NYAP2: variants seen among roughly 807,000 people sequenced by gnomAD.
NYAP2 encodes neuronal tyrosine-phosphorylated phosphoinositide-3-kinase adaptor 2.
In NYAP2, 23 loss-of-function variants were observed where a neutral mutation model predicts 50.4. The observed-to-expected ratio is 0.46, with a 90% confidence interval of 0.33 to 0.65. NYAP2 has a LOEUF of 0.65. NYAP2 is among the 30% of genes least tolerant of loss of function. The probability of loss-of-function intolerance (pLI) is 0.02; values close to 1 mark genes in which losing one functional copy is unlikely to be tolerated. For synonymous variants in NYAP2, 394 were observed against 365.2 expected (o/e 1.08, Z -0.90); for missense variants, 885 against 861.0 (o/e 1.03, Z -0.35).
At chr2:225,412,598 A>G (rs1377255041) in intron 3 of NYAP2, among the ~76,000 whole-genome samples, 2 of 152,082 alleles carry the variant, frequency 1.3e-5, no homozygotes, top group African/African-American at 4.8e-5. Context: ...CAGGAGCCAA[A>G]TTATGGAGGT....
chr2:225,680,727 C>T, the NYAP2 span, among the ~76,000 whole-genome samples: 7 of 152,204 alleles, frequency 4.6e-5, no homozygotes, highest in East Asian at 7.7e-4. Flanking sequence ...AAATTGATTA[C>T]TGGCTGTCAA....
At chr2:225,688,696 T>C in the NYAP2 span, among the ~76,000 whole-genome samples, 1 of 152,220 alleles carries the variant, frequency 6.6e-6, no homozygotes, top group Admixed American at 6.5e-5. Flanking sequence ...TCTTATCCAT[T>C]TTATTCATCT....
intron 4 of NYAP2, among the ~76,000 whole-genome samples, chr2:225,571,329 G>A (rs886640006): frequency 6.6e-6 from 1 of 152,226 alleles, no homozygotes; most frequent in Non-Finnish European, 1.5e-5. Context: ...TCTGTATGGG[G>A]GCTCCCACCC....
intron 3 of NYAP2, among the ~76,000 whole-genome samples, chr2:225,454,635 G>T (rs1016762590): frequency 6.6e-6 from 1 of 152,178 alleles, no homozygotes; most frequent in African/African-American, 2.4e-5. Context: ...CCTCCTGTCA[G>T]ATCAGTGGCA....
At chr2:225,487,898 C>T (rs954839681) in intron 3 of NYAP2, among the ~76,000 whole-genome samples, 6 of 152,214 alleles carry the variant, frequency 3.9e-5, no homozygotes, top group African/African-American at 1.4e-4. Context: ...ACCAAATCCT[C>T]TATTCGCTTT....
intron 3 of NYAP2, among the ~76,000 whole-genome samples, chr2:225,461,890 T>G (rs1279104443): frequency 6.6e-6 from 1 of 152,248 alleles, no homozygotes; most frequent in African/African-American, 2.4e-5. Flanking sequence ...CAATAATTTA[T>G]GTACTTTTGT....
chr2:225,541,041 A>G (rs779253090), intron 4 of NYAP2, among the ~76,000 whole-genome samples: 9 of 152,172 alleles, frequency 5.9e-5, no homozygotes, highest in South Asian at 2.1e-4. Context: ...TTGATGATCA[A>G]TGATGTTGGA....
At chr2:225,468,278 G>A (rs557177420) in intron 3 of NYAP2, among the ~76,000 whole-genome samples, 1 of 152,290 alleles carries the variant, frequency 6.6e-6, no homozygotes, top group South Asian at 2.1e-4. Context: ...AGGAAAAACA[G>A]CCATGTGTAG....
intron 4 of NYAP2, among the ~76,000 whole-genome samples, chr2:225,518,812 A>G (rs1690989862): frequency 2.0e-5 from 3 of 151,732 alleles, no homozygotes; most frequent in South Asian, 2.1e-4. Flanking sequence ...GGAGGTCAGG[A>G]GTTCGAGAGT....
At chr2:225,550,446 A>G (rs917936436) in intron 4 of NYAP2, among the ~76,000 whole-genome samples, 3 of 152,244 alleles carry the variant, frequency 2.0e-5, no homozygotes, top group Non-Finnish European at 4.4e-5. Context: ...GGCATTGGTG[A>G]TCAGGGAAAA....
chr2:225,510,773 ATGTGTTTGTGTGTG>A (rs1690796402), intron 3 of NYAP2, among the ~76,000 whole-genome samples: 2 of 141,358 alleles, frequency 1.4e-5, no homozygotes, highest in Non-Finnish European at 3.1e-5. Flanking sequence ...AGAAATGTTA[ATGTGTTTGTGTGTG>A]TGTGTGTGTG....
chr2:225,577,585 T>G (rs534775970), intron 4 of NYAP2, among the ~76,000 whole-genome samples: 1 of 152,296 alleles, frequency 6.6e-6, no homozygotes, highest in East Asian at 1.9e-4. Context: ...TAGTGGCAGT[T>G]GAAACACATT....
At chr2:225,455,029 A>G (rs1689718307) in intron 3 of NYAP2, among the ~76,000 whole-genome samples, 1 of 152,174 alleles carries the variant, frequency 6.6e-6, no homozygotes, top group Non-Finnish European at 1.5e-5. Context: ...TTCACTGGCA[A>G]CTGAAGAGGA....
At chr2:225,699,830 T>C in the NYAP2 span, 1 of 151,858 alleles carries the variant, frequency 6.6e-6, no homozygotes, top group Non-Finnish European at 1.5e-5. Context: ...AAAAATCATA[T>C]ATATCTTTTA....
chr2:225,610,699 T>C (rs1692866705), intron 5 of NYAP2, among the ~76,000 whole-genome samples: 1 of 152,166 alleles, frequency 6.6e-6, no homozygotes, highest in South Asian at 2.1e-4. Flanking sequence ...CAGTAGGCCA[T>C]ACATTCATAG....
intron 3 of NYAP2, among the ~76,000 whole-genome samples, chr2:225,419,600 C>G (rs1208825326): frequency 6.6e-6 from 1 of 152,160 alleles, no homozygotes; most frequent in Non-Finnish European, 1.5e-5. Context: ...TAACAATCTT[C>G]ATTTTGTTGA....
At chr2:225,598,690 A>G (rs13011501) in intron 5 of NYAP2, among the ~76,000 whole-genome samples, 57,387 of 152,160 alleles carry the variant, frequency 0.38, 10,987 homozygotes, top group Non-Finnish European at 0.4. Flanking sequence ...AAGGCAATGC[A>G]TGATAAGTGA....
chr2:225,449,667 G>A (rs898785415), intron 3 of NYAP2, among the ~76,000 whole-genome samples: 2 of 142,712 alleles, frequency 1.4e-5, no homozygotes, highest in Admixed American at 7.3e-5. Context: ...GGAGTGCAGA[G>A]GCACAATCTC....
At chr2:225,511,995 G>C (rs1690826684) in intron 3 of NYAP2, among the ~76,000 whole-genome samples, 1 of 151,976 alleles carries the variant, frequency 6.6e-6, no homozygotes, top group African/African-American at 2.4e-5. Flanking sequence ...TTTTGTAATG[G>C]TATTTTTAAA....
Sources: allele counts gnomAD v4.1 joint callset (sites outside exome capture counted in the v4.1 genomes callset), GRCh38; gene constraint gnomAD v4.1.1; transcripts MANE v1.5; gene names NCBI Gene and HGNC (gene_info 2026-07-23, HGNC 2026-07-21).